The following SIK2 variants were observed in gnomAD, a reference collection of about 807,000 sequenced individuals.
The protein encoded by SIK2 is serine/threonine-protein kinase SIK2.
Under a neutral mutation model 103.2 loss-of-function variants are expected in SIK2, and 29 were observed. The observed-to-expected ratio is 0.28, with a 90% CI of 0.21 to 0.38. The LOEUF is 0.38. SIK2 is among the 10% of genes least tolerant of loss of function. The pLI, the probability that SIK2 is intolerant of heterozygous loss-of-function variation, is 1.00. For missense variants in SIK2, 879 were observed against 1,171.0 expected (o/e 0.75, Z 3.64); for synonymous variants, 412 against 446.1 (o/e 0.92, Z 0.96).
chr11:111,670,157 G>A (rs1043305371), intron 3 of SIK2, among the ~76,000 whole-genome samples: 4 of 152,104 alleles, frequency 2.6e-5, no homozygotes, highest in Non-Finnish European at 4.4e-5. Flanking sequence ...TCTCTCAAAC[G>A]GTGGGTTTGT....
intron 2 of SIK2, among the ~76,000 whole-genome samples, chr11:111,616,976 A>G (rs1279077343): frequency 6.6e-6 from 1 of 152,248 alleles, no homozygotes; most frequent in Non-Finnish European, 1.5e-5. Context: ...CTAAACTAGT[A>G]TATTATTCAG....
intron 8 of SIK2, among the ~76,000 whole-genome samples, chr11:111,707,352 C>T (rs1293453100): frequency 5.9e-5 from 9 of 152,178 alleles, no homozygotes; most frequent in Non-Finnish European, 7.3e-5. Flanking sequence ...GCAAATTCCC[C>T]GGCATATCTC....
chr11:111,711,412 C>T (rs1418026916), intron 8 of SIK2, among the ~76,000 whole-genome samples: 4 of 152,168 alleles, frequency 2.6e-5, no homozygotes, highest in South Asian at 2.1e-4. Context: ...TGAGCCACCG[C>T]GCCTGGCCTT....
At chr11:111,652,435 A>G (rs1942339196) in intron 3 of SIK2, among the ~76,000 whole-genome samples, 1 of 152,158 alleles carries the variant, frequency 6.6e-6, no homozygotes, top group Non-Finnish European at 1.5e-5. Context: ...TTGCGGTGAG[A>G]GATTGTATGT....
intron 3 of SIK2, among the ~76,000 whole-genome samples, chr11:111,676,403 C>A (rs1942703932): frequency 6.6e-6 from 1 of 152,230 alleles, no homozygotes; most frequent in South Asian, 2.1e-4. Flanking sequence ...TCCCATTTCT[C>A]CACAGCCTTG....
At chr11:111,620,509 G>A (rs1941867400) in intron 3 of SIK2, 107 bp downstream of exon 3, 6 of 670,520 alleles carry the variant, frequency 8.9e-6, no homozygotes, top group East Asian at 5.8e-5. Context: ...GGTAATATAA[G>A]TGAAAAAAAA....
chr11:111,632,015 C>T (rs1942047060), intron 3 of SIK2, among the ~76,000 whole-genome samples: 1 of 151,884 alleles, frequency 6.6e-6, no homozygotes, highest in African/African-American at 2.4e-5. Context: ...AATAATACCC[C>T]CAAAATTCTA....
At chr11:111,709,321 C>T (rs535404339) in intron 8 of SIK2, among the ~76,000 whole-genome samples, 85 of 152,194 alleles carry the variant, frequency 5.6e-4, no homozygotes, top group Non-Finnish European at 1.1e-3. Flanking sequence ...CCTTAATTAC[C>T]TTCTTCAAGG....
chr11:111,611,505 T>G (rs1339712983), intron 1 of SIK2, among the ~76,000 whole-genome samples: 1 of 152,140 alleles, frequency 6.6e-6, no homozygotes, highest in Non-Finnish European at 1.5e-5. Context: ...GTGAAAATGG[T>G]ATTTTGTTTT....
chr11:111,614,104 C>T (rs865941800), intron 1 of SIK2, among the ~76,000 whole-genome samples: 32 of 128,084 alleles, frequency 2.5e-4, no homozygotes, highest in African/African-American at 7.7e-4. Flanking sequence ...TTTTTTTTGA[C>T]AGAGTCTCGC....
intron 1 of SIK2, among the ~76,000 whole-genome samples, chr11:111,612,915 G>T (rs927601754): frequency 4.0e-5 from 2 of 50,026 alleles, no homozygotes; most frequent in South Asian, 9.3e-4. Context: ...ATAGCAATGG[G>T]ATATATATAT....
intron 3 of SIK2, among the ~76,000 whole-genome samples, chr11:111,664,282 G>A (rs1387408948): frequency 6.6e-6 from 1 of 152,140 alleles, no homozygotes; most frequent in Non-Finnish European, 1.5e-5. Flanking sequence ...TTGGGGCAGG[G>A]TAAACTGGTA....
rs567915050 is a variant in SIK2 at position 111,691,372 on chromosome 11, A to G, written c.478+3210A>G. On this transcript the variant is annotated intron_variant, in intron 4 of 14. Coordinates refer to ENST00000304987, the MANE Select transcript of SIK2 (RefSeq NM_015191.3). ...AGGTATTCTGCTAGATACTTACTTCATCTTCACAGCAATCTTGGGAGCCGC... is the reference window on the plus strand; with the variant it reads ...AGGTATTCTGCTAGATACTTACTTCGTCTTCACAGCAATCTTGGGAGCCGC... Among the ~76,000 whole-genome samples the G allele has an allele frequency of 2.3e-3, 355 of 152,248 alleles. 4 individuals are homozygous for G. The highest frequency in any genetic ancestry group is 8.4e-3 in the African/African-American group (348 of 41,548).
chr11:111,704,546 A>G (rs993913706), intron 7 of SIK2, among the ~76,000 whole-genome samples: 1 of 152,218 alleles, frequency 6.6e-6, no homozygotes, highest in Non-Finnish European at 1.5e-5. Flanking sequence ...AGTTCTCCAC[A>G]TACTTTAACC....
intron 3 of SIK2, among the ~76,000 whole-genome samples, chr11:111,675,457 G>A (rs546496637): frequency 6.6e-6 from 1 of 152,336 alleles, no homozygotes; most frequent in Admixed American, 6.5e-5. Context: ...ATTTCTAGGT[G>A]AGCAGATAGT....
At position 111,705,277 on chromosome 11, in the gene SIK2, T is replaced by A; in HGVS notation, c.1101+138T>A. On this transcript the variant is annotated intron_variant, in intron 8 of 14. Transcript: ENST00000304987. The surrounding 1 kb of genome is among the most constrained non-coding windows in gnomAD (Gnocchi z 4.3). ...TGTAAAATTTCTGCCTGCCATTCAC[T>A]AGATTCTCAAATGTTTTAGCACTTC... is the stretch of plus-strand genomic sequence containing the variant. 1.2e-6 allele frequency: 1 copy of A among 840,090 alleles called. No individual in the cohort carries two copies. The highest frequency in any genetic ancestry group is 1.6e-6 in the Non-Finnish European group (1 of 606,330). The allele number at this position is 840,090 out of a possible 1,614,324, so 52.0% of individuals were successfully genotyped here. A position where few individuals can be genotyped will look rare whatever the true frequency, so the allele number is the denominator to read the frequency against.
chr11:111,653,367 G>T lies in SIK2; in HGVS notation c.316+32965G>T, dbSNP rs116403630. On this transcript the variant is annotated intron_variant, in intron 3 of 14. Transcript: ENST00000304987. ...GGAACCATAGATTGAGAAAAACAACGTTGTATCCTTTCTCCTAAGCTCAGA... is the reference window on the plus strand; with the variant it reads ...GGAACCATAGATTGAGAAAAACAACTTTGTATCCTTTCTCCTAAGCTCAGA... Among the ~76,000 whole-genome samples, 541 of 152,312 alleles carry T rather than the reference G, an allele frequency of 3.6e-3. 2 individuals carry two copies. Among genetic ancestry groups the T allele is most frequent in the African/African-American group, 0.012 (509 of 41,574 alleles).
At chr11:111,681,964 A>G (rs540715052) in intron 3 of SIK2, among the ~76,000 whole-genome samples, 3 of 152,182 alleles carry the variant, frequency 2.0e-5, no homozygotes, top group South Asian at 4.2e-4. Context: ...TATGTCAGAA[A>G]CTCTAAGGGT....
intron 3 of SIK2, among the ~76,000 whole-genome samples, chr11:111,629,908 G>A (rs1942014942): frequency 6.6e-6 from 1 of 152,134 alleles, no homozygotes; most frequent in African/African-American, 2.4e-5. Context: ...CTGTTTGGCA[G>A]TTTCTTATGA....
Sources: allele counts gnomAD v4.1 joint callset (sites outside exome capture counted in the v4.1 genomes callset), GRCh38; gene constraint gnomAD v4.1.1; non-coding constraint Gnocchi (gnomAD v3.1); transcripts MANE v1.5; gene names NCBI Gene and HGNC (gene_info 2026-07-23, HGNC 2026-07-21).